Variants in AOPEP observed in about 807,000 individuals in gnomAD.
AOPEP encodes the protein aminopeptidase O (putative).
In AOPEP, 77 loss-of-function variants were observed where a neutral mutation model predicts 98.1. That is an observed-to-expected ratio of 0.78 (90% CI 0.65 to 0.95). The LOEUF (loss-of-function observed/expected upper bound fraction) is 0.95. Ranked by LOEUF, AOPEP falls within the 40% of genes least tolerant of loss-of-function variation. The probability of loss-of-function intolerance (pLI) is 0.00; values close to 1 mark genes in which losing one functional copy is unlikely to be tolerated. For missense variants in AOPEP, 1,024 were observed against 1,024.7 expected, an observed-to-expected ratio of 1.00 and a Z score of 0.01; for synonymous variants, 346 against 365.3, an observed-to-expected ratio of 0.95 and a Z score of 0.60.
intron 4 of AOPEP, among the ~76,000 whole-genome samples, chr9:94,796,750 G>A (rs923937716): frequency 3.3e-5 from 5 of 152,206 alleles, no homozygotes; most frequent in Non-Finnish European, 5.9e-5. Flanking sequence ...GCCACTCTGG[G>A]TGAGCATTTT....
At chr9:94,900,393 C>G (rs547731090) in intron 5 of AOPEP, 2 of 152,344 alleles carry the variant, frequency 1.3e-5, no homozygotes, top group East Asian at 1.9e-4. Flanking sequence ...CTTCCCAGGT[C>G]GTCAAGTAAT....
intron 2 of AOPEP, among the ~76,000 whole-genome samples, chr9:94,764,766 C>T (rs1232089665): frequency 6.6e-6 from 1 of 152,144 alleles, no homozygotes; most frequent in Non-Finnish European, 1.5e-5. Flanking sequence ...TATTGGTTCA[C>T]TCCTTGTGAC....
At chr9:95,074,616 G>A (rs1048737129) in intron 14 of AOPEP, among the ~76,000 whole-genome samples, 4 of 152,332 alleles carry the variant, frequency 2.6e-5, no homozygotes, top group African/African-American at 4.8e-5. Context: ...AACAGCAGAT[G>A]TCCAAAGTAA....
intron 2 of AOPEP, among the ~76,000 whole-genome samples, chr9:94,761,193 T>A (rs924469802): frequency 6.6e-6 from 1 of 152,322 alleles, no homozygotes; most frequent in East Asian, 1.9e-4. Flanking sequence ...TTGGCTGTGA[T>A]TCTTGGTATT....
chr9:95,025,614 T>G (rs1028124925), intron 13 of AOPEP, among the ~76,000 whole-genome samples: 1 of 152,208 alleles, frequency 6.6e-6, no homozygotes, highest in Non-Finnish European at 1.5e-5. Context: ...GCTTACCACA[T>G]TGGTATTTTC....
chr9:95,075,618 A>G (rs959503859), intron 14 of AOPEP, among the ~76,000 whole-genome samples: 2 of 152,330 alleles, frequency 1.3e-5, no homozygotes, highest in African/African-American at 4.8e-5. Context: ...GGTGGCTCAC[A>G]CCTATAATCC....
In AOPEP at chr9:94,953,063, C is replaced by T. The variant is rs1193480179; in HGVS notation, c.1662-2114C>T. Reference sequence around the variant, plus strand: ...ATTCAGGGCTCAAGGGCAAAAAAGACGCACGGCAACTCTGCCTGTCTTAGG... The same window carrying T: ...ATTCAGGGCTCAAGGGCAAAAAAGATGCACGGCAACTCTGCCTGTCTTAGG... On this transcript the variant is annotated intron_variant, in intron 7 of 16. Coordinates refer to ENST00000375315, the MANE Select transcript of AOPEP (RefSeq NM_001193329.3). Among the ~76,000 whole-genome samples, 6 of 152,184 alleles carry T rather than the reference C, an allele frequency of 3.9e-5. No individual in the cohort carries two copies. In the East Asian group the frequency reaches 9.6e-4, roughly 24 times the overall value.
chr9:95,085,600 G>A (rs1231486166), intron 16 of AOPEP: 46 of 417,264 alleles, frequency 1.1e-4, no homozygotes, highest in Non-Finnish European at 1.9e-4. Context: ...CGGGCCGGCC[G>A]CTGCTGCACA....
chr9:94,955,323 A>G (rs1270912969), intron 8 of AOPEP, 44 bp downstream of exon 8: 1 of 1,224,070 alleles, frequency 8.2e-7, no homozygotes, highest in Admixed American at 1.8e-5. Flanking sequence ...GTGGTGCAGC[A>G]CTTTTTAGGC....
At chr9:95,005,427 C>T (rs2061930429) in intron 12 of AOPEP, 115 bp from the exon 13 acceptor site, 1 of 1,132,216 alleles carries the variant, frequency 8.8e-7, no homozygotes, top group Non-Finnish European at 1.3e-6. Flanking sequence ...GGGTGGCCTC[C>T]CGAGGTGCGG....
intron 5 of AOPEP, among the ~76,000 whole-genome samples, chr9:94,822,533 C>T (rs1016543790): frequency 5.9e-5 from 9 of 152,134 alleles, no homozygotes; most frequent in African/African-American, 2.2e-4. Flanking sequence ...TGCTTTGCTA[C>T]CTTCCAGATT....
chr9:95,069,937 G>A (rs7020709), intron 14 of AOPEP, among the ~76,000 whole-genome samples: 111,246 of 152,220 alleles, frequency 0.73, 44,112 homozygotes, highest in Non-Finnish European at 0.89. Context: ...CTGGCTTTGC[G>A]GTAGCAAATA....
Position 94,820,380 on chromosome 9 carries a change from T to C in AOPEP, c.1364+19378T>C, listed in dbSNP as rs578080755. ...ATGCAGGCCAATTAGACGATACATA[T>C]TATTACTCTCTCTCCCTTTTCTTAA... On this transcript the variant is annotated intron_variant, in intron 5 of 16. Coordinates refer to ENST00000375315, the MANE Select transcript of AOPEP (RefSeq NM_001193329.3). 3.9e-5 allele frequency among the ~76,000 whole-genome samples: 6 copies of C among 152,324 alleles called. No individual in the cohort carries two copies. The East Asian group carries it at 1.2e-3, about 29-fold the overall frequency.
In AOPEP at chr9:94,845,945, A is replaced by G. The variant is rs542497349; in HGVS notation, c.1364+44943A>G. ...CTCCATCTCTATTAAAAATACAAGA[A>G]TTAGTCAGGCGTGGTGTCGGGTGCC... On this transcript the variant is annotated intron_variant, in intron 5 of 16. Coordinates refer to ENST00000375315, the MANE Select transcript of AOPEP (RefSeq NM_001193329.3). Among the ~76,000 whole-genome samples, 214 of 152,168 alleles carry G rather than the reference A, an allele frequency of 1.4e-3. 1 individual carries two copies. The highest frequency in any genetic ancestry group is 3.7e-3 in the Admixed American group (57 of 15,284).
At chr9:95,043,994 A>T (rs1344663926) in intron 13 of AOPEP, among the ~76,000 whole-genome samples, 1 of 152,174 alleles carries the variant, frequency 6.6e-6, no homozygotes, top group African/African-American at 2.4e-5. Flanking sequence ...TTCCCCAGTC[A>T]TCTAAGACTG....
At chr9:94,796,300 A>G (rs1846920652) in intron 4 of AOPEP, among the ~76,000 whole-genome samples, 2 of 152,242 alleles carry the variant, frequency 1.3e-5, no homozygotes, top group South Asian at 4.1e-4. Flanking sequence ...GTCCTTCAGG[A>G]ATATGCTGCT....
chr9:95,146,826 G>A, the AOPEP span, among the ~76,000 whole-genome samples: 1 of 151,976 alleles, frequency 6.6e-6, no homozygotes, highest in African/African-American at 2.4e-5. Flanking sequence ...CAGAGAGGGA[G>A]GGAAGAACTG....
chr9:94,831,933 A>G (rs1223203013), intron 5 of AOPEP, among the ~76,000 whole-genome samples: 1 of 152,104 alleles, frequency 6.6e-6, no homozygotes. Flanking sequence ...CATTAAGTGA[A>G]CTGACTGGAC....
the AOPEP span, chr9:95,145,317 G>C: frequency 6.6e-6 from 1 of 152,132 alleles, no homozygotes. Flanking sequence ...CAAAACATTA[G>C]GAACAAGAAA....
Sources: allele counts gnomAD v4.1 joint callset (sites outside exome capture counted in the v4.1 genomes callset), GRCh38; gene constraint gnomAD v4.1.1; transcripts MANE v1.5; gene names NCBI Gene and HGNC (gene_info 2026-07-23, HGNC 2026-07-21).